MACF1: variants seen among roughly 807,000 people sequenced by gnomAD.
MACF1 encodes the protein microtubule-actin cross-linking factor 1.
In MACF1, 193 loss-of-function variants were observed where a neutral mutation model predicts 854.8. That is an observed-to-expected ratio of 0.23 (90% CI 0.20 to 0.25). The LOEUF is 0.25. Ranked by LOEUF, MACF1 falls within the 10% of genes least tolerant of loss-of-function variation. The pLI, the probability that MACF1 is intolerant of heterozygous loss-of-function variation, is 1.00. For missense variants in MACF1, 7,722 were observed against 8,929.1 expected, an observed-to-expected ratio of 0.86 and a Z score of 5.45; for synonymous variants, 3,185 against 3,226.7, an observed-to-expected ratio of 0.99 and a Z score of 0.44.
At chr1:39,288,822 A>C (rs528450659) in intron 15 of MACF1, among the ~76,000 whole-genome samples, 58 of 152,314 alleles carry the variant, frequency 3.8e-4, no homozygotes, top group Admixed American at 2.8e-3. Context: ...AAAAATGTAC[A>C]ACTAAATTAT....
intron 26 of MACF1, among the ~76,000 whole-genome samples, chr1:39,312,418 G>GAGTA (rs1646319025): frequency 6.6e-6 from 1 of 151,938 alleles, no homozygotes; most frequent in Non-Finnish European, 1.5e-5. Flanking sequence ...TTTATCTTGA[G>GAGTA]AGTAAGTTCC....
intron 29 of MACF1, 72 bp from the exon 30 acceptor site, chr1:39,318,380 GA>G: frequency 7.3e-7 from 1 of 1,370,742 alleles, no homozygotes; most frequent in Non-Finnish European, 1.0e-6. Context: ...ATGGGTTAAA[GA>G]GGGAATTACC....
intron 2 of MACF1, among the ~76,000 whole-genome samples, chr1:39,136,768 A>G (rs931680050): frequency 6.6e-6 from 1 of 152,228 alleles, no homozygotes; most frequent in Non-Finnish European, 1.5e-5. Context: ...GTATATGTAC[A>G]TATTACTAAA....
chr1:39,353,293 C>A, intron 44 of MACF1, 62 bp downstream of exon 44: 1 of 1,280,996 alleles, frequency 7.8e-7, no homozygotes, highest in Non-Finnish European at 1.1e-6. Context: ...AGCAAGTAAC[C>A]ACAATCACCT....
Position 39,368,618 on chromosome 1 carries a change from C to T in MACF1, c.12938+304C>T, listed in dbSNP as rs530202908. On this transcript the variant is annotated intron_variant, in intron 50 of 100. Coordinates refer to ENST00000564288, the MANE Select transcript of MACF1 (RefSeq NM_001394062.1). ...TTGGGTTCAAGCAATTCTTCTACCT[C>T]AGCTTCCTGAGTGGCTGGGATTACA... 1.2e-4 allele frequency among the ~76,000 whole-genome samples: 18 copies of T among 152,244 alleles called. No individual in the cohort carries two copies. The South Asian group carries it at 3.1e-3, about 26-fold the overall frequency.
Position 39,428,361 on chromosome 1 carries a change from T to A in MACF1, c.16803+74T>A, listed in dbSNP as rs150691856. On this transcript the variant is annotated intron_variant, in intron 63 of 100. Transcript: ENST00000564288. Reference sequence around the variant, plus strand: ...ATTTTGATTCATGTTTCTCTTCATTTATTTTTTTTTCTTCATTACAAACAC... The same window carrying A: ...ATTTTGATTCATGTTTCTCTTCATTAATTTTTTTTTCTTCATTACAAACAC... 419 of 1,389,948 alleles carry A rather than the reference T, an allele frequency of 3.0e-4. 7 individuals carry two copies. In the East Asian group the frequency reaches 0.01, roughly 34 times the overall value. 86.1% of individuals were successfully genotyped at this position (1,389,948 alleles called of 1,614,324 possible).
intron 2 of MACF1, among the ~76,000 whole-genome samples, chr1:39,108,812 T>C (rs1642319806): frequency 6.6e-6 from 1 of 152,214 alleles, no homozygotes; most frequent in Non-Finnish European, 1.5e-5. Context: ...TCACAAAGCT[T>C]TAAGGACTAA....
intron 2 of MACF1, among the ~76,000 whole-genome samples, chr1:39,127,560 A>G (rs1642891081): frequency 6.6e-6 from 1 of 152,224 alleles, no homozygotes; most frequent in Non-Finnish European, 1.5e-5. Context: ...TAGAGCAGTC[A>G]TTTATGTGTA....
Position 39,317,422 on chromosome 1 carries a change from C to T in MACF1, c.3782+15C>T. ...CTCGAGATTCGGTGAGTGGTGGCCC[C>T]ACCTTTTTCTCCTATTAGAGTTCAG... On this transcript the variant is annotated intron_variant, in intron 29 of 100. Transcript: ENST00000564288. 3 of 1,609,448 alleles carry T rather than the reference C, an allele frequency of 1.9e-6. No homozygotes were observed. The highest frequency in any genetic ancestry group is 2.2e-5 in the East Asian group (1 of 44,844).
Position 39,382,039 on chromosome 1 carries a change from G to C in MACF1, c.13735G>C (p.Ala4579Pro). The C allele has an allele frequency of 1.2e-6, 2 of 1,614,164 alleles. No homozygotes were observed. The highest frequency in any genetic ancestry group is 1.7e-6 in the Non-Finnish European group (2 of 1,180,026). Residue 4579 changes from alanine to proline, a missense_variant, in exon 56 of 101, where the codon GCT (alanine) becomes CCT (proline). Ala to Pro is a conservative substitution (Grantham distance 27). This residue lies in a region of MACF1 where 2,807 missense variants were observed against 3,235.8 expected (regional missense o/e 0.87). Coordinates refer to ENST00000564288, the MANE Select transcript of MACF1 (RefSeq NM_001394062.1). ...ESASHLACFQ[A>P]AESQLRPWLM... ...TGCAAGTCATCTGGCCTGCTTCCAGGCTGCAGAATCCCAGCTCCGGCCGTG... is the reference window on the plus strand; with the variant it reads ...TGCAAGTCATCTGGCCTGCTTCCAGCCTGCAGAATCCCAGCTCCGGCCGTG...
At chr1:39,172,187 A>T (rs577485560) in intron 2 of MACF1, among the ~76,000 whole-genome samples, 4 of 152,292 alleles carry the variant, frequency 2.6e-5, no homozygotes, top group African/African-American at 9.6e-5. Context: ...TTTATATAGA[A>T]GGGAGCATTA....
chr1:39,238,031 A>G (rs2148317225), intron 2 of MACF1, among the ~76,000 whole-genome samples: 1 of 152,334 alleles, frequency 6.6e-6, no homozygotes, highest in Admixed American at 6.5e-5. Flanking sequence ...TTTCTGAAAT[A>G]CAGCTTGTCT....
chr1:39,415,093 G>A (rs783824), intron 58 of MACF1, among the ~76,000 whole-genome samples: 8,453 of 152,262 alleles, frequency 0.056, 301 homozygotes, highest in African/African-American at 0.098. Flanking sequence ...TACCAAAGTA[G>A]ATTGGAGAGA....
At chr1:39,140,158 T>C (rs924697239) in intron 2 of MACF1, among the ~76,000 whole-genome samples, 11 of 152,144 alleles carry the variant, frequency 7.2e-5, no homozygotes, top group Non-Finnish European at 1.6e-4. Context: ...TCTCACTGTG[T>C]TGCCCAGGCT....
intron 58 of MACF1, among the ~76,000 whole-genome samples, chr1:39,415,713 A>G (rs1222976208): frequency 1.3e-5 from 2 of 152,080 alleles, no homozygotes; most frequent in Admixed American, 6.6e-5. Context: ...AACAGTTGGA[A>G]ACGATGTTCC....
chr1:39,105,476 G>A lies in MACF1; in HGVS notation c.220+21038G>A, dbSNP rs931247722. ...AGGAGCGGAGCGCGACTGCCGGGCCGGGCGAGGCGGGCGGACGGCGGAGAG... is the reference window on the plus strand; with the variant it reads ...AGGAGCGGAGCGCGACTGCCGGGCCAGGCGAGGCGGGCGGACGGCGGAGAG... On this transcript the variant is annotated intron_variant, in intron 2 of 93. Coordinates refer to the MACF1 transcript ENST00000361689. This position sits in a 1 kb window ranked among gnomAD's most constrained non-coding sequence, Gnocchi z 5.9. 9.9e-7 allele frequency: 1 copy of A among 1,008,912 alleles called. No individual in the cohort carries two copies. Among genetic ancestry groups the A allele is most frequent in the South Asian group, 3.9e-5 (1 of 25,776 alleles). The allele number at this position is 1,008,912 out of a possible 1,614,324, so 62.5% of individuals were successfully genotyped here.
chr1:39,256,000 C>T lies in MACF1; in HGVS notation c.435+1625C>T, dbSNP rs1039715451. Among the ~76,000 whole-genome samples, 6 of 152,072 alleles carry T rather than the reference C, an allele frequency of 3.9e-5. No individual in the cohort carries two copies. In the East Asian group the frequency reaches 9.6e-4, roughly 24 times the overall value. On this transcript the variant is annotated intron_variant, in intron 5 of 100. Coordinates refer to ENST00000564288, the MANE Select transcript of MACF1 (RefSeq NM_001394062.1). ...AGATTACTAGAGCCGTTCTTGGTAA[C>T]GGTAAAGTCCAAGATGTAGCTGTGC...
intron 88 of MACF1, among the ~76,000 whole-genome samples, chr1:39,454,385 C>T (rs1644395591): frequency 6.6e-6 from 1 of 152,070 alleles, no homozygotes; most frequent in South Asian, 2.1e-4. Flanking sequence ...CCATGGATAC[C>T]AAGGAACAAC....
intron 38 of MACF1, 56 bp downstream of exon 38, chr1:39,337,387 C>A: frequency 6.3e-7 from 1 of 1,582,678 alleles, no homozygotes; most frequent in Non-Finnish European, 8.6e-7. Context: ...CTGCCTCCAT[C>A]TTCCTTGAAG....
Sources: allele counts gnomAD v4.1 joint callset (sites outside exome capture counted in the v4.1 genomes callset), GRCh38; gene constraint gnomAD v4.1.1; regional missense constraint gnomAD v4.1.1; non-coding constraint Gnocchi (gnomAD v3.1); transcripts MANE v1.5; gene names NCBI Gene and HGNC (gene_info 2026-07-23, HGNC 2026-07-21).